Variants in SGCD observed in about 807,000 individuals in gnomAD.
SGCD encodes the protein sarcoglycan delta.
A neutral mutation model predicts 36.6 loss-of-function variants in SGCD; 18 were observed. The observed-to-expected ratio is 0.49, with a 90% confidence interval of 0.34 to 0.73. The LOEUF (loss-of-function observed/expected upper bound fraction) is 0.73. Ranked by LOEUF, SGCD falls within the 30% of genes least tolerant of loss-of-function variation. The pLI is 0.01. For synonymous variants in SGCD, 133 were observed against 130.6 expected (o/e 1.02, Z -0.12); for missense variants, 387 against 346.7 (o/e 1.12, Z -0.92).
At chr5:156,519,401 GCC>G (rs1303612978) in intron 4 of SGCD, among the ~76,000 whole-genome samples, 1 of 151,676 alleles carries the variant, frequency 6.6e-6, no homozygotes, top group Admixed American at 6.6e-5. Context: ...AAAAGAAAAA[GCC>G]CAGGACTAGA....
At chr5:156,001,202 G>A (rs542267123) in intron 1 of SGCD, among the ~76,000 whole-genome samples, 9 of 152,136 alleles carry the variant, frequency 5.9e-5, no homozygotes, top group South Asian at 2.1e-4. Flanking sequence ...TAGGCAGGTC[G>A]CTACAATTTC....
intron 3 of SGCD, among the ~76,000 whole-genome samples, chr5:156,236,882 G>A (rs891926432): frequency 1.3e-4 from 19 of 150,884 alleles, no homozygotes; most frequent in African/African-American, 4.1e-4. Flanking sequence ...TGCCTAGGAT[G>A]GAGCACAGCG....
chr5:156,683,153 C>G (rs1304295067), intron 7 of SGCD, among the ~76,000 whole-genome samples: 1 of 152,174 alleles, frequency 6.6e-6, no homozygotes, highest in African/African-American at 2.4e-5. Flanking sequence ...TGTTTAGTTC[C>G]ATCAAATGAA....
chr5:156,633,939 G>T (rs1762730381), intron 6 of SGCD, among the ~76,000 whole-genome samples: 1 of 152,092 alleles, frequency 6.6e-6, no homozygotes, highest in Non-Finnish European at 1.5e-5. Context: ...CTGAGGTGTG[G>T]GCCAAGGGTA....
chr5:156,009,168 T>C (rs1190865640), intron 1 of SGCD, among the ~76,000 whole-genome samples: 2 of 152,222 alleles, frequency 1.3e-5, no homozygotes, highest in Admixed American at 1.3e-4. Context: ...AAAACATTTA[T>C]TGACACAGTG....
chr5:156,686,945 G>A (rs1753926068), intron 7 of SGCD, among the ~76,000 whole-genome samples: 1 of 152,072 alleles, frequency 6.6e-6, no homozygotes, highest in African/African-American at 2.4e-5. Flanking sequence ...GATTCCCTCT[G>A]GGGGCAGTCC....
chr5:156,577,846 A>G (rs1168424817), intron 4 of SGCD, among the ~76,000 whole-genome samples: 3 of 152,230 alleles, frequency 2.0e-5, no homozygotes, highest in South Asian at 2.1e-4. Flanking sequence ...TAAATATACA[A>G]TCATGTCATC....
Position 156,677,400 on chromosome 5 carries a change from A to AAAACTATCGCAAGGACAGAAAACC in SGCD, c.575+29893_575+29916dup, listed in dbSNP as rs543675726. ...TGCAGCTGGAAACCATCATTCTGAG[A>AAAACTATCGCAAGGACAGAAAACC]AAACTATCGCAAGGACAGAAAACCA... is the stretch of plus-strand genomic sequence containing the variant. On this transcript the variant is annotated intron_variant, in intron 7 of 8. Coordinates refer to ENST00000337851, the MANE Select transcript of SGCD (RefSeq NM_000337.6). Among the ~76,000 whole-genome samples, 16 of 152,262 alleles carry AAAACTATCGCAAGGACAGAAAACC rather than the reference A, an allele frequency of 1.1e-4. No homozygotes were observed. The South Asian group carries it at 1.2e-3, about 12-fold the overall frequency.
At chr5:156,089,227 C>T (rs1221802701) in intron 1 of SGCD, among the ~76,000 whole-genome samples, 1 of 152,198 alleles carries the variant, frequency 6.6e-6, no homozygotes, top group Admixed American at 6.5e-5. Context: ...AGGCTCAATA[C>T]AAGCCCACTT....
At chr5:156,280,997 C>T (rs537314415) in intron 3 of SGCD, among the ~76,000 whole-genome samples, 1 of 152,264 alleles carries the variant, frequency 6.6e-6, no homozygotes, top group South Asian at 2.1e-4. Context: ...TACAGTATAA[C>T]AAAGTGAAAT....
intron 3 of SGCD, among the ~76,000 whole-genome samples, chr5:156,204,378 T>C (rs1764220798): frequency 6.6e-6 from 1 of 152,018 alleles, no homozygotes. Flanking sequence ...GGTGTGTATA[T>C]TGTTATATGC....
intron 4 of SGCD, among the ~76,000 whole-genome samples, chr5:156,526,653 C>T (rs1757654803): frequency 6.6e-6 from 1 of 152,188 alleles, no homozygotes; most frequent in African/African-American, 2.4e-5. Context: ...ATAAGCCCAT[C>T]TGTACTATGA....
the SGCD span, among the ~76,000 whole-genome samples, chr5:155,775,483 ACT>A: frequency 2.0e-5 from 3 of 152,030 alleles, no homozygotes; most frequent in African/African-American, 7.2e-5. Flanking sequence ...ACTCAAACAT[ACT>A]CTGACTCCTG....
intron 2 of SGCD, among the ~76,000 whole-genome samples, chr5:156,122,045 C>A (rs1296302015): frequency 2.0e-5 from 3 of 152,136 alleles, no homozygotes; most frequent in Non-Finnish European, 4.4e-5. Context: ...CCAGACTATA[C>A]AAATCCTTTT....
intron 1 of SGCD, among the ~76,000 whole-genome samples, chr5:155,915,802 T>C (rs954436869): frequency 4.6e-5 from 7 of 152,200 alleles, no homozygotes; most frequent in African/African-American, 1.7e-4. Context: ...GGCGTTTGAG[T>C]ACATTTCATA....
chr5:156,106,156 T>G (rs1219798096), intron 1 of SGCD, among the ~76,000 whole-genome samples: 1 of 114,506 alleles, frequency 8.7e-6, no homozygotes, highest in Admixed American at 9.6e-5. Context: ...AGGAGAATAA[T>G]ACTGTGTTGG....
chr5:156,128,508 T>C (rs369924103), intron 3 of SGCD, among the ~76,000 whole-genome samples: 2 of 152,208 alleles, frequency 1.3e-5, no homozygotes, highest in South Asian at 4.1e-4. Flanking sequence ...CTCTTACATA[T>C]TCATAAAGTA....
intron 3 of SGCD, among the ~76,000 whole-genome samples, chr5:156,262,898 GGTGTGT>G (rs66684897): frequency 1.4e-5 from 2 of 147,772 alleles, no homozygotes; most frequent in African/African-American, 2.5e-5. Context: ...AGTATTCCAT[GGTGTGT>G]GTGTGTGTGT....
chr5:156,584,040 C>G (rs1760391568), intron 4 of SGCD, among the ~76,000 whole-genome samples: 1 of 152,150 alleles, frequency 6.6e-6, no homozygotes, highest in Non-Finnish European at 1.5e-5. Context: ...TCCCAAGACG[C>G]AATCCATTAG....
Sources: gnomAD v4.1 joint callset for allele counts (sites outside exome capture counted in the v4.1 genomes callset) on GRCh38, gnomAD v4.1.1 for gene constraint, MANE v1.5 for transcripts, NCBI Gene and HGNC (gene_info 2026-07-23, HGNC 2026-07-21) for gene names.